Variants in MILR1 observed in about 807,000 individuals in gnomAD.
MILR1 encodes the protein allergin-1.
Under a neutral mutation model 18.5 loss-of-function variants are expected in MILR1, and 31 were observed. That is an observed-to-expected ratio of 1.68 (90% CI 1.26 to 2.26). MILR1 has a LOEUF of 2.26. Ranked by LOEUF, MILR1 falls within the 30% of genes most tolerant of loss-of-function variation. The probability of loss-of-function intolerance (pLI) is 0.00; values close to 1 mark genes in which losing one functional copy is unlikely to be tolerated. For synonymous variants in MILR1, 85 were observed against 56.2 expected (o/e 1.51, Z -2.30); for missense variants, 257 against 157.4 (o/e 1.63, Z -3.38).
At chr17:64,467,695 A>G in intron 9 of MILR1, 50 bp downstream of exon 9, 1 of 1,127,574 alleles carries the variant, frequency 8.9e-7, no homozygotes, top group Non-Finnish European at 1.3e-6. Context: ...AGCAAACTTG[A>G]GGCTGAGGCA....
chr17:64,457,131 C>T (rs1320555669), intron 3 of MILR1, among the ~76,000 whole-genome samples: 1 of 152,150 alleles, frequency 6.6e-6, no homozygotes, highest in Non-Finnish European at 1.5e-5. Context: ...CAAGCTTGCA[C>T]CCCAATTCCT....
intron 2 of MILR1, 48 bp from the exon 3 acceptor site, chr17:64,452,549 G>A (rs919811707): frequency 1.9e-5 from 8 of 412,524 alleles, no homozygotes; most frequent in Admixed American, 8.8e-5. Flanking sequence ...CACCTTGCCC[G>A]GCCAGGATCT....
At chr17:64,458,954 G>A (rs905804827) in intron 4 of MILR1, among the ~76,000 whole-genome samples, 12 of 152,328 alleles carry the variant, frequency 7.9e-5, no homozygotes, top group East Asian at 3.9e-4. Context: ...GGGCGTCCAC[G>A]TGCATGCAAG....
the MILR1 span, chr17:64,482,794 G>A: frequency 1.5e-6 from 1 of 664,276 alleles, no homozygotes; most frequent in Non-Finnish European, 2.8e-6. Flanking sequence ...TTAAGATTTT[G>A]GATTTTTGGA....
intron 5 of MILR1, 103 bp from the exon 6 acceptor site, chr17:64,465,349 C>A: frequency 1.2e-6 from 1 of 810,942 alleles, no homozygotes; most frequent in Non-Finnish European, 2.0e-6. Flanking sequence ...GAGCAAGTCA[C>A]TCTCTGTTTC....
chr17:64,494,260 TAATC>T, the MILR1 span, among the ~76,000 whole-genome samples: 2 of 152,244 alleles, frequency 1.3e-5, no homozygotes. Flanking sequence ...TAATTTCGGC[TAATC>T]ATTTTTAGCA....
chr17:64,485,673 C>T, the MILR1 span: 13,169 of 1,400,978 alleles, frequency 9.4e-3, 77 homozygotes, highest in Non-Finnish European at 0.011. Flanking sequence ...ACATTAAGAA[C>T]AAACAAACCC....
downstream of MILR1, among the ~76,000 whole-genome samples, chr17:64,472,442 GGC>G (rs1195969528): frequency 2.1e-4 from 25 of 119,944 alleles, no homozygotes; most frequent in Admixed American, 1.4e-3. Context: ...TTCCAGCCTG[GGC>G]GACAGAGCAA....
intron 5 of MILR1, 36 bp from the exon 6 acceptor site, chr17:64,465,416 T>C: frequency 6.9e-7 from 1 of 1,447,630 alleles, no homozygotes; most frequent in Non-Finnish European, 9.6e-7. Context: ...TGTGGCTGAA[T>C]TGGTTTAATT....
the MILR1 span, among the ~76,000 whole-genome samples, chr17:64,476,189 A>G: frequency 4.6e-5 from 7 of 152,140 alleles, no homozygotes; most frequent in African/African-American, 1.7e-4. Context: ...AATTACCATA[A>G]ATGTATGTAT....
At chr17:64,464,039 G>A (rs1309479968) in intron 5 of MILR1, among the ~76,000 whole-genome samples, 2 of 151,494 alleles carry the variant, frequency 1.3e-5, no homozygotes, top group Non-Finnish European at 2.9e-5. Context: ...GGCCAGGCTG[G>A]TCTTGAACTT....
chr17:64,451,594 G>A (rs1028542835), intron 2 of MILR1, among the ~76,000 whole-genome samples: 27 of 152,180 alleles, frequency 1.8e-4, no homozygotes, highest in African/African-American at 6.5e-4. Flanking sequence ...AAAAAACTTA[G>A]GGATGGCTAT....
chr17:64,463,679 C>A (rs977139590), intron 5 of MILR1, among the ~76,000 whole-genome samples: 8 of 151,848 alleles, frequency 5.3e-5, no homozygotes, highest in African/African-American at 1.9e-4. Flanking sequence ...TATTTTATTT[C>A]ATTTCTTTTT....
the MILR1 span, among the ~76,000 whole-genome samples, chr17:64,482,052 T>C: frequency 7.3e-5 from 11 of 151,006 alleles, no homozygotes; most frequent in African/African-American, 2.7e-4. Context: ...TTCAAAATTA[T>C]ATATAATCAC....
the MILR1 span, among the ~76,000 whole-genome samples, chr17:64,489,988 G>A: frequency 3.3e-5 from 5 of 151,526 alleles, no homozygotes; most frequent in African/African-American, 9.7e-5. Context: ...GCAGTGGCAC[G>A]ATCTTGGCTC....
intron 4 of MILR1, among the ~76,000 whole-genome samples, chr17:64,458,790 CA>C (rs1282947246): frequency 6.6e-6 from 1 of 152,092 alleles, no homozygotes; most frequent in Admixed American, 6.6e-5. Flanking sequence ...ATCCCCTGCC[CA>C]ATCAGATCAG....
the MILR1 span, chr17:64,491,810 C>T: frequency 2.0e-6 from 1 of 493,044 alleles, no homozygotes; most frequent in Non-Finnish European, 3.7e-6. Context: ...CTCTGCACTC[C>T]CCCAGCAACC....
At chr17:64,460,096 G>A (rs1235359443) in intron 4 of MILR1, among the ~76,000 whole-genome samples, 1 of 150,850 alleles carries the variant, frequency 6.6e-6, no homozygotes, top group African/African-American at 2.4e-5. Context: ...CACGATCTCG[G>A]CTCATTGCAA....
At chr17:64,492,944 A>G in the MILR1 span, 1 of 1,614,132 alleles carries the variant, frequency 6.2e-7, no homozygotes, top group Non-Finnish European at 8.5e-7. Flanking sequence ...GGATGAAAAC[A>G]CACTCCAATC....
Sources: gnomAD v4.1 joint callset for allele counts (sites outside exome capture counted in the v4.1 genomes callset) on GRCh38, gnomAD v4.1.1 for gene constraint, MANE v1.5 for transcripts, NCBI Gene and HGNC (gene_info 2026-07-23, HGNC 2026-07-21) for gene names.